GADL1: variants seen among roughly 807,000 people sequenced by gnomAD.
GADL1 encodes acidic amino acid decarboxylase GADL1.
GADL1 carries 71 observed loss-of-function variants against 69.5 expected under a neutral mutation model. The ratio of observed to expected loss-of-function variants is 1.02; its 90% CI spans 0.84 to 1.25. The LOEUF is 1.25. GADL1 is among the 50% of genes most tolerant of loss of function. The pLI, the probability that GADL1 is intolerant of heterozygous loss-of-function variation, is 0.00. For synonymous variants in GADL1, 254 were observed against 214.4 expected, an observed-to-expected ratio of 1.18 and a Z score of -1.62; for missense variants, 737 against 631.8, an observed-to-expected ratio of 1.17 and a Z score of -1.79.
intron 1 of GADL1, among the ~76,000 whole-genome samples, chr3:30,881,777 A>G (rs1698645807): frequency 6.6e-6 from 1 of 152,110 alleles, no homozygotes; most frequent in East Asian, 1.9e-4. Context: ...TTGAAATTTA[A>G]TTGCTATTAT....
At chr3:30,839,839 G>C (rs1351169961) in intron 8 of GADL1, among the ~76,000 whole-genome samples, 2 of 151,358 alleles carry the variant, frequency 1.3e-5, no homozygotes, top group South Asian at 2.1e-4. Context: ...GGAGAATGTG[G>C]GTGCACACAA....
chr3:30,775,980 G>GAGACT (rs905019647), intron 14 of GADL1, among the ~76,000 whole-genome samples: 1 of 152,138 alleles, frequency 6.6e-6, no homozygotes, highest in Non-Finnish European at 1.5e-5. Context: ...AGCTACTCGG[G>GAGACT]AGACTAGGGA....
intron 14 of GADL1, among the ~76,000 whole-genome samples, chr3:30,755,820 G>A (rs373775223): frequency 0.016 from 1,709 of 107,894 alleles, 36 homozygotes; most frequent in African/African-American, 0.1. Context: ...AAATGCCAAA[G>A]GTACTTTTTT....
chr3:30,832,656 T>G (rs747302153), intron 11 of GADL1, among the ~76,000 whole-genome samples: 3 of 152,046 alleles, frequency 2.0e-5, no homozygotes, highest in Non-Finnish European at 4.4e-5. Context: ...AAACTTGGGT[T>G]TATTCCTATC....
At chr3:30,735,149 C>T (rs1695524497) in intron 14 of GADL1, among the ~76,000 whole-genome samples, 1 of 152,122 alleles carries the variant, frequency 6.6e-6, no homozygotes, top group Admixed American at 6.6e-5. Context: ...CTACTTGATC[C>T]ATGCAGTAAA....
intron 11 of GADL1, among the ~76,000 whole-genome samples, chr3:30,807,896 G>C (rs200442919): frequency 6.6e-6 from 1 of 152,050 alleles, no homozygotes; most frequent in African/African-American, 2.4e-5. Context: ...GGCAGGTATG[G>C]TGGCACATGA....
chr3:30,851,914 AAC>A lies in GADL1; in HGVS notation c.429-975_429-974del, dbSNP rs576838904. Among the ~76,000 whole-genome samples the A allele has an allele frequency of 1.2e-3, 167 of 140,868 alleles. 2 individuals carry two copies. The highest frequency in any genetic ancestry group is 4.7e-3 in the African/African-American group (161 of 34,060). 92.4% of individuals were successfully genotyped at this position (140,868 alleles called of 152,430 possible). On this transcript the variant is annotated intron_variant, in intron 4 of 14. Coordinates refer to ENST00000282538, the MANE Select transcript of GADL1 (RefSeq NM_207359.3). Reference sequence around the variant, plus strand: ...CAGCATTCTTGGGAACCCACATTGTAACAGTCACCATGCCTTGTTTGATATTT... The same window carrying A: ...CAGCATTCTTGGGAACCCACATTGTAAGTCACCATGCCTTGTTTGATATTT...
At chr3:30,756,496 C>G (rs571389495) in intron 14 of GADL1, among the ~76,000 whole-genome samples, 1 of 152,318 alleles carries the variant, frequency 6.6e-6, no homozygotes, top group African/African-American at 2.4e-5. Flanking sequence ...TTCCTACTAT[C>G]AACAGGTGAA....
intron 11 of GADL1, among the ~76,000 whole-genome samples, chr3:30,821,323 G>C (rs1255610696): frequency 6.6e-6 from 1 of 150,664 alleles, no homozygotes; most frequent in Admixed American, 6.6e-5. Flanking sequence ...AAAACTTAAA[G>C]TATAATAATA....
intron 14 of GADL1, among the ~76,000 whole-genome samples, chr3:30,749,800 T>C (rs773562243): frequency 6.6e-6 from 1 of 152,208 alleles, no homozygotes; most frequent in Non-Finnish European, 1.5e-5. Context: ...GGCACTCTAC[T>C]GAGGATAATT....
chr3:30,781,895 G>GC (rs1303698167), intron 13 of GADL1, among the ~76,000 whole-genome samples: 1 of 152,194 alleles, frequency 6.6e-6, no homozygotes, highest in African/African-American at 2.4e-5. Flanking sequence ...ATTAAAATGT[G>GC]CACTAGTGAG....
intron 14 of GADL1, among the ~76,000 whole-genome samples, chr3:30,769,794 T>C (rs1344201844): frequency 1.3e-5 from 2 of 152,186 alleles, no homozygotes; most frequent in African/African-American, 4.8e-5. Context: ...TATCTTCTAG[T>C]AGATGAGAGA....
At chr3:30,757,995 GTT>G (rs1417929904) in intron 14 of GADL1, among the ~76,000 whole-genome samples, 1 of 152,168 alleles carries the variant, frequency 6.6e-6, no homozygotes, top group African/African-American at 2.4e-5. Flanking sequence ...ATCCAAATTT[GTT>G]TTCTCAATTC....
intron 1 of GADL1, among the ~76,000 whole-genome samples, chr3:30,894,354 C>T (rs1031645979): frequency 6.6e-6 from 1 of 152,196 alleles, no homozygotes; most frequent in Non-Finnish European, 1.5e-5. Context: ...ATGTCTTAGG[C>T]GCGGTTCTTC....
At chr3:30,871,165 C>A (rs1021567878) in intron 1 of GADL1, among the ~76,000 whole-genome samples, 8 of 150,770 alleles carry the variant, frequency 5.3e-5, no homozygotes, top group African/African-American at 1.7e-4. Flanking sequence ...GCAAGGAGAC[C>A]AACCTTGCAG....
chr3:30,736,758 CTTACATTTTTCCT>C (rs1346098227), intron 14 of GADL1, among the ~76,000 whole-genome samples: 1 of 152,216 alleles, frequency 6.6e-6, no homozygotes, highest in African/African-American at 2.4e-5. Context: ...ATAAAGTCAA[CTTACATTTTTCCT>C]TTACAAAGTA....
intron 1 of GADL1, among the ~76,000 whole-genome samples, chr3:30,890,789 A>G (rs1339692815): frequency 6.6e-6 from 1 of 152,218 alleles, no homozygotes; most frequent in South Asian, 2.1e-4. Flanking sequence ...GTAAAATCAC[A>G]TGGTGCTTAA....
chr3:30,759,280 T>G (rs1020435032), intron 14 of GADL1, among the ~76,000 whole-genome samples: 2 of 151,858 alleles, frequency 1.3e-5, no homozygotes, highest in African/African-American at 4.8e-5. Context: ...AATCTTTTTC[T>G]TCCAAAATTA....
At chr3:30,802,299 G>A (rs1697180161) in intron 11 of GADL1, among the ~76,000 whole-genome samples, 1 of 152,128 alleles carries the variant, frequency 6.6e-6, no homozygotes, top group African/African-American at 2.4e-5. Context: ...CCTATCCATT[G>A]TTACATCCAT....
Sources: gnomAD v4.1 joint callset for allele counts (sites outside exome capture counted in the v4.1 genomes callset) on GRCh38, gnomAD v4.1.1 for gene constraint, MANE v1.5 for transcripts, NCBI Gene and HGNC (gene_info 2026-07-23, HGNC 2026-07-21) for gene names.